Variants in HDAC4 observed in about 807,000 individuals in gnomAD.
HDAC4 encodes the protein histone deacetylase 4.
HDAC4 carries 16 observed loss-of-function variants against 135.1 expected under a neutral mutation model. The observed-to-expected ratio is 0.12, with a 90% CI of 0.08 to 0.18. The LOEUF (loss-of-function observed/expected upper bound fraction) is 0.18. Ranked by LOEUF, HDAC4 falls within the 10% of genes least tolerant of loss-of-function variation. The pLI is 1.00. For synonymous variants in HDAC4, 685 were observed against 653.4 expected (o/e 1.05, Z -0.74); for missense variants, 1,143 against 1,511.8 (o/e 0.76, Z 4.05).
chr2:239,294,339 G>A (rs917563588), intron 2 of HDAC4, among the ~76,000 whole-genome samples: 25 of 152,296 alleles, frequency 1.6e-4, no homozygotes, highest in Middle Eastern at 3.4e-3. Context: ...CCTTGGCAGA[G>A]GCCTGACTGA....
intron 14 of HDAC4, among the ~76,000 whole-genome samples, chr2:239,109,949 T>C (rs1441094020): frequency 6.6e-6 from 1 of 152,106 alleles, no homozygotes; most frequent in African/African-American, 2.4e-5. Context: ...CGTAGAGAGA[T>C]GGAGAAGCGG....
At chr2:239,347,813 C>T (rs995705721) in intron 2 of HDAC4, among the ~76,000 whole-genome samples, 2 of 152,200 alleles carry the variant, frequency 1.3e-5, no homozygotes, top group African/African-American at 4.8e-5. Context: ...CCGCACCCGG[C>T]CACTTATTTT....
intron 3 of HDAC4, among the ~76,000 whole-genome samples, chr2:239,206,394 GCA>G (rs5839729): frequency 0.043 from 6,438 of 148,210 alleles, 243 homozygotes; most frequent in East Asian, 0.13. Context: ...ACACATACGT[GCA>G]CACACACACA....
chr2:239,371,922 G>C (rs2126009903), intron 1 of HDAC4, among the ~76,000 whole-genome samples: 1 of 152,346 alleles, frequency 6.6e-6, no homozygotes, highest in African/African-American at 2.4e-5. Flanking sequence ...GCAGGGGGCA[G>C]CATCCATCAG....
At chr2:239,182,336 T>C (rs2044204866) in intron 4 of HDAC4, among the ~76,000 whole-genome samples, 1 of 152,154 alleles carries the variant, frequency 6.6e-6, no homozygotes, top group Non-Finnish European at 1.5e-5. Flanking sequence ...CAGAGCTCAC[T>C]CAGGGCGGAA....
intron 3 of HDAC4, among the ~76,000 whole-genome samples, chr2:239,229,316 TG>T (rs2153155974): frequency 6.6e-6 from 1 of 152,142 alleles, no homozygotes; most frequent in African/African-American, 2.4e-5. Flanking sequence ...TAAAGCCATG[TG>T]GGGGGCAGAC....
chr2:239,149,388 AT>A (rs2041966830), intron 7 of HDAC4, among the ~76,000 whole-genome samples: 2 of 151,838 alleles, frequency 1.3e-5, no homozygotes, highest in Non-Finnish European at 2.9e-5. Context: ...AAATAAATAA[AT>A]AAATAAATAA....
At chr2:239,062,267 G>A (rs1003224161) in intron 24 of HDAC4, among the ~76,000 whole-genome samples, 4 of 152,278 alleles carry the variant, frequency 2.6e-5, no homozygotes, top group African/African-American at 9.6e-5. Context: ...GCCCCTCTGC[G>A]CTTCCTGTCC....
chr2:239,153,042 T>A (rs12986543), intron 7 of HDAC4, among the ~76,000 whole-genome samples: 12,962 of 152,160 alleles, frequency 0.085, 610 homozygotes, highest in East Asian at 0.18. Context: ...AGGAGCTGGG[T>A]AGAAACTCAG....
intron 2 of HDAC4, among the ~76,000 whole-genome samples, chr2:239,295,306 C>CA (rs55990119): frequency 0.049 from 2,276 of 46,542 alleles, 371 homozygotes; most frequent in Non-Finnish European, 0.065. Context: ...GACTCCGTCT[C>CA]AAAAAAAAAA....
intron 19 of HDAC4, among the ~76,000 whole-genome samples, chr2:239,084,882 A>C (rs1210305123): frequency 3.7e-3 from 385 of 102,992 alleles, no homozygotes; most frequent in Admixed American, 4.2e-3. Context: ...GCCCATACCC[A>C]CCCCCCCCAC....
At chr2:239,123,433 G>C (rs574722024) in intron 12 of HDAC4, among the ~76,000 whole-genome samples, 3 of 152,192 alleles carry the variant, frequency 2.0e-5, no homozygotes, top group Non-Finnish European at 4.4e-5. Flanking sequence ...GTGGTGTCCA[G>C]TGGGCAGCAG....
At chr2:239,324,608 C>T (rs547714394) in intron 2 of HDAC4, among the ~76,000 whole-genome samples, 26 of 152,316 alleles carry the variant, frequency 1.7e-4, no homozygotes, top group African/African-American at 2.6e-4. Flanking sequence ...AGGACTCTGA[C>T]GCAAGTGGTG....
At chr2:239,143,362 C>A (rs966528517) in intron 8 of HDAC4, among the ~76,000 whole-genome samples, 1 of 152,168 alleles carries the variant, frequency 6.6e-6, no homozygotes, top group African/African-American at 2.4e-5. Flanking sequence ...AGTTTGAAAG[C>A]TTTTAACTCA....
intron 25 of HDAC4, 96 bp from the exon 26 acceptor site, chr2:239,053,697 CA>C (rs2031271151): frequency 1.0e-6 from 1 of 999,658 alleles, no homozygotes; most frequent in Non-Finnish European, 1.5e-6. Context: ...AGCCTCAAAC[CA>C]GATTGATCCC....
At chr2:239,293,416 T>C (rs74003913) in intron 2 of HDAC4, among the ~76,000 whole-genome samples, 153 of 152,192 alleles carry the variant, frequency 1.0e-3, no homozygotes, top group African/African-American at 3.5e-3. Context: ...AAAACCCTAT[T>C]TGAGAAGGGC....
intron 3 of HDAC4, among the ~76,000 whole-genome samples, chr2:239,233,871 G>C (rs2047738679): frequency 6.6e-6 from 1 of 152,152 alleles, no homozygotes; most frequent in African/African-American, 2.4e-5. Context: ...GTATCAGTCT[G>C]TTTCCACACC....
chr2:239,102,706 T>G, intron 16 of HDAC4, 70 bp downstream of exon 16: 2 of 1,583,774 alleles, frequency 1.3e-6, no homozygotes, highest in Non-Finnish European at 1.7e-6. Flanking sequence ...ACACAAGGGG[T>G]TGAGAGCTGG....
At chr2:239,357,502 A>C (rs1164003518) in intron 1 of HDAC4, among the ~76,000 whole-genome samples, 2 of 152,062 alleles carry the variant, frequency 1.3e-5, no homozygotes, top group African/African-American at 4.8e-5. Flanking sequence ...AAATCAATGA[A>C]ACTAAAAGCT....
Sources: allele counts gnomAD v4.1 joint callset (sites outside exome capture counted in the v4.1 genomes callset), GRCh38; gene constraint gnomAD v4.1.1; transcripts MANE v1.5; gene names NCBI Gene and HGNC (gene_info 2026-07-23, HGNC 2026-07-21).